The following QRFPR variants were observed in gnomAD, a reference collection of about 807,000 sequenced individuals.
QRFPR encodes pyroglutamylated RFamide peptide receptor.
Under a neutral mutation model 31.3 loss-of-function variants are expected in QRFPR, and 37 were observed. That is an observed-to-expected ratio of 1.18 (90% CI 0.91 to 1.56). QRFPR has a LOEUF of 1.56. Ranked by LOEUF, QRFPR falls within the 40% of genes most tolerant of loss-of-function variation. The pLI, the probability that QRFPR is intolerant of heterozygous loss-of-function variation, is 0.00. For synonymous variants in QRFPR, 197 were observed against 192.0 expected, an observed-to-expected ratio of 1.03 and a Z score of -0.22; for missense variants, 542 against 532.5, an observed-to-expected ratio of 1.02 and a Z score of -0.18.
intron 1 of QRFPR, among the ~76,000 whole-genome samples, chr4:121,363,718 T>A (rs757492494): frequency 6.7e-6 from 1 of 150,220 alleles, no homozygotes; most frequent in Non-Finnish European, 1.5e-5. Flanking sequence ...CAAGTTAGTA[T>A]AACAGGGCTA....
At chr4:121,379,968 G>A (rs1726439883) in intron 1 of QRFPR, among the ~76,000 whole-genome samples, 1 of 152,066 alleles carries the variant, frequency 6.6e-6, no homozygotes, top group Admixed American at 6.6e-5. Flanking sequence ...GGCGAGGGGT[G>A]CGACTTCCTG....
chr4:121,333,191 C>T (rs1725369079), intron 3 of QRFPR, 135 bp from the exon 4 acceptor site: 1 of 609,422 alleles, frequency 1.6e-6, no homozygotes. Flanking sequence ...AAATGAGATA[C>T]ATTTTTAATT....
intron 1 of QRFPR, among the ~76,000 whole-genome samples, chr4:121,372,163 C>T (rs1216155544): frequency 1.3e-5 from 2 of 152,114 alleles, no homozygotes; most frequent in Admixed American, 6.5e-5. Flanking sequence ...GTCAGTCTCC[C>T]ACAAGACAGG....
Position 121,340,549 on chromosome 4 carries a change from G to T in QRFPR, c.402C>A (p.Leu134=), listed in dbSNP as rs748302567. 6.2e-7 allele frequency: 1 copy of T among 1,614,082 alleles called. No individual in the cohort carries two copies. Among genetic ancestry groups the T allele is most frequent in the Non-Finnish European group, 8.5e-7 (1 of 1,179,978 alleles). Residue 134 remains leucine (L), a synonymous_variant, in exon 2 of 6, where the codon CTC becomes CTA. Transcript: ENST00000394427. Reference sequence around the variant, plus strand: ...TTTCCACAGCAATGCAGGTCATAGTGAGGATTTCTGTCACAACAGCGGTAG... The same window carrying T: ...TTTCCACAGCAATGCAGGTCATAGTTAGGATTTCTGTCACAACAGCGGTAG... The part of the protein sequence containing the change: ...VQSTAVVTEI[L]TMTCIAVERH...
At chr4:121,337,127 G>A (rs1725450917) in intron 2 of QRFPR, among the ~76,000 whole-genome samples, 1 of 152,062 alleles carries the variant, frequency 6.6e-6, no homozygotes, top group Non-Finnish European at 1.5e-5. Flanking sequence ...CCTTAGCATG[G>A]CCCATGAGGT....
intron 1 of QRFPR, among the ~76,000 whole-genome samples, chr4:121,347,623 A>G (rs1725680155): frequency 6.6e-6 from 1 of 152,076 alleles, no homozygotes; most frequent in Non-Finnish European, 1.5e-5. Context: ...TTAACTTCCA[A>G]CAGTTTATCT....
intron 4 of QRFPR, 32 bp from the exon 5 acceptor site, chr4:121,330,555 A>G: frequency 6.5e-7 from 1 of 1,541,670 alleles, no homozygotes; most frequent in South Asian, 1.1e-5. Flanking sequence ...GTATTAGTTA[A>G]CTTCTCCTTG....
At chr4:121,332,007 C>T (rs1725337122) in intron 4 of QRFPR, among the ~76,000 whole-genome samples, 2 of 152,066 alleles carry the variant, frequency 1.3e-5, no homozygotes, top group African/African-American at 4.8e-5. Flanking sequence ...TGGGAGGAAC[C>T]AACTTAACGA....
chr4:121,348,017 T>C (rs932195367), intron 1 of QRFPR, among the ~76,000 whole-genome samples: 3 of 152,146 alleles, frequency 2.0e-5, no homozygotes, highest in East Asian at 1.9e-4. Context: ...ATTTAATTTT[T>C]CCTGGAATTT....
At chr4:121,355,863 A>C (rs970428881) in intron 1 of QRFPR, among the ~76,000 whole-genome samples, 1 of 152,026 alleles carries the variant, frequency 6.6e-6, no homozygotes, top group African/African-American at 2.4e-5. Flanking sequence ...GTGTTTTTAT[A>C]GTTTCTAATG....
At chr4:121,380,236 A>AGAGG (rs1288877332) in intron 1 of QRFPR, 72 bp downstream of exon 1, 1 of 1,039,280 alleles carries the variant, frequency 9.6e-7, no homozygotes, top group Non-Finnish European at 1.4e-6. Context: ...AGAGAGAGAG[A>AGAGG]GAGAGAGAGA....
chr4:121,352,668 A>G (rs1044621398), intron 1 of QRFPR, among the ~76,000 whole-genome samples: 1 of 152,064 alleles, frequency 6.6e-6, no homozygotes, highest in Non-Finnish European at 1.5e-5. Flanking sequence ...TAATGATCAA[A>G]TCATGGTCAC....
chr4:121,364,427 G>A (rs980586683), intron 1 of QRFPR, among the ~76,000 whole-genome samples: 1 of 149,810 alleles, frequency 6.7e-6, no homozygotes, highest in Non-Finnish European at 1.5e-5. Context: ...ACAAGGTCAG[G>A]AGATCGAGAC....
At chr4:121,373,010 TA>T (rs1726281685) in intron 1 of QRFPR, among the ~76,000 whole-genome samples, 1 of 152,164 alleles carries the variant, frequency 6.6e-6, no homozygotes, top group Non-Finnish European at 1.5e-5. Flanking sequence ...CAGTTATGCC[TA>T]AAACCAGCCC....
rs1726018820 is a variant in QRFPR, at chr4:121,362,877, T to C, written c.340+17431A>G. Among the ~76,000 whole-genome samples the C allele has an allele frequency of 2.0e-5, 3 of 150,390 alleles. 1 individual carries two copies. In the East Asian group the frequency reaches 5.9e-4, roughly 30 times the overall value. On this transcript the variant is annotated intron_variant, in intron 1 of 5. Coordinates refer to ENST00000394427, the MANE Select transcript of QRFPR (RefSeq NM_198179.3). ...CTAACCATACTTATCTGACATGAAATACCCATTATTGTTATTGAAATAAAC... is the reference window on the plus strand; with the variant it reads ...CTAACCATACTTATCTGACATGAAACACCCATTATTGTTATTGAAATAAAC...
At chr4:121,331,799 C>T (rs1226270686) in intron 4 of QRFPR, among the ~76,000 whole-genome samples, 1 of 151,890 alleles carries the variant, frequency 6.6e-6, no homozygotes, top group East Asian at 1.9e-4. Context: ...ATTACAGGCA[C>T]CCACGACCAC....
chr4:121,348,205 T>C (rs13144655), intron 1 of QRFPR, among the ~76,000 whole-genome samples: 23,773 of 152,130 alleles, frequency 0.16, 2,751 homozygotes, highest in East Asian at 0.54. Flanking sequence ...GGTTTTCTTA[T>C]CTATAAAATG....
rs758899756 is a variant in QRFPR, at chr4:121,380,545, C to T, written c.103G>A (p.Val35Ile). Residue 35 changes from valine (V) to isoleucine (I), a missense_variant, in exon 1 of 6, where the codon GTC becomes ATC. Coordinates refer to ENST00000394427, the MANE Select transcript of QRFPR (RefSeq NM_198179.3). ...FIALYRLRPL[V>I]YTPELPGRAK... ...CGTCCCGGCAGCTCTGGGGTGTAGA[C>T]GAGCGGTCGCAGCCGGTACAGAGCG... The T allele has an allele frequency of 3.1e-6, 5 of 1,606,204 alleles. No individual in the cohort carries two copies. In the East Asian group the frequency reaches 6.7e-5, roughly 22 times the overall value.
intron 3 of QRFPR, chr4:121,334,658 G>A (rs1357827568): frequency 5.4e-6 from 2 of 367,044 alleles, no homozygotes; most frequent in East Asian, 8.3e-5. Flanking sequence ...GTGTTGAGAA[G>A]TTGTGAATTC....
Sources: gnomAD v4.1 joint callset for allele counts (sites outside exome capture counted in the v4.1 genomes callset) on GRCh38, gnomAD v4.1.1 for gene constraint, MANE v1.5 for transcripts, NCBI Gene and HGNC (gene_info 2026-07-23, HGNC 2026-07-21) for gene names.